The following SLC4A4 variants were observed in gnomAD, a reference collection of about 807,000 sequenced individuals.
SLC4A4 encodes the protein electrogenic sodium bicarbonate cotransporter 1.
Under a neutral mutation model 111.5 loss-of-function variants are expected in SLC4A4, and 27 were observed. The ratio of observed to expected loss-of-function variants is 0.24; its 90% CI spans 0.18 to 0.33. The LOEUF (loss-of-function observed/expected upper bound fraction) is 0.33. Ranked by LOEUF, SLC4A4 falls within the 10% of genes least tolerant of loss-of-function variation. The pLI, the probability that SLC4A4 is intolerant of heterozygous loss-of-function variation, is 1.00. For synonymous variants in SLC4A4, 443 were observed against 463.4 expected (o/e 0.96, Z 0.57); for missense variants, 909 against 1,315.5 (o/e 0.69, Z 4.78).
intron 1 of SLC4A4, among the ~76,000 whole-genome samples, chr4:71,215,870 T>C: frequency 6.6e-6 from 1 of 152,080 alleles, no homozygotes; most frequent in East Asian, 1.9e-4. Flanking sequence ...CAAAATAAAT[T>C]ATTATTGCTT....
intron 1 of SLC4A4, among the ~76,000 whole-genome samples, chr4:71,200,365 T>G (rs149709118): frequency 6.6e-5 from 10 of 152,362 alleles, no homozygotes; most frequent in African/African-American, 2.4e-4. Context: ...TAAGATATTT[T>G]CTGATGTACA....
At chr4:71,328,387 G>T (rs968517892) in intron 3 of SLC4A4, among the ~76,000 whole-genome samples, 16 of 152,054 alleles carry the variant, frequency 1.1e-4, no homozygotes, top group African/African-American at 3.6e-4. Context: ...TTTGTTTTTG[G>T]TTTTTTGAGA....
chr4:71,443,848 TA>T (rs1269997221), intron 8 of SLC4A4, among the ~76,000 whole-genome samples: 2 of 152,202 alleles, frequency 1.3e-5, no homozygotes, highest in African/African-American at 2.4e-5. Context: ...TCAAAGCCAT[TA>T]AAAAAACTTA....
chr4:71,284,715 A>C (rs114883019), intron 3 of SLC4A4, among the ~76,000 whole-genome samples: 389 of 152,304 alleles, frequency 2.6e-3, no homozygotes, highest in African/African-American at 8.5e-3. Flanking sequence ...TTTGCATTTA[A>C]ACAAGGATGA....
chr4:71,140,236 A>G (rs1046595146), intron 2 of SLC4A4, among the ~76,000 whole-genome samples: 1 of 152,182 alleles, frequency 6.6e-6, no homozygotes, highest in African/African-American at 2.4e-5. Flanking sequence ...CCTGGGCAAC[A>G]TGGTGAAACC....
chr4:71,538,554 A>T (rs1323209415), intron 18 of SLC4A4, among the ~76,000 whole-genome samples: 1 of 152,168 alleles, frequency 6.6e-6, no homozygotes, highest in Non-Finnish European at 1.5e-5. Context: ...GAGCTGTGGA[A>T]TATGAACACT....
intron 3 of SLC4A4, among the ~76,000 whole-genome samples, chr4:71,268,353 G>A (rs181974683): frequency 1.7e-3 from 258 of 152,248 alleles, no homozygotes; most frequent in African/African-American, 5.9e-3. Flanking sequence ...CGTGATGTAA[G>A]GAAGAGATCA....
At chr4:71,461,358 C>T (rs142793137) in intron 12 of SLC4A4, among the ~76,000 whole-genome samples, 106 of 151,956 alleles carry the variant, frequency 7.0e-4, no homozygotes, top group African/African-American at 2.5e-3. Flanking sequence ...CTTTTTTCCC[C>T]TTCTGTTATT....
At chr4:71,079,896 G>C (rs1455462949) in intron 1 of SLC4A4, among the ~76,000 whole-genome samples, 3 of 151,124 alleles carry the variant, frequency 2.0e-5, no homozygotes, top group African/African-American at 7.4e-5. Flanking sequence ...TTAAGTGTAT[G>C]CTGAAAGCAG....
At chr4:71,419,185 C>T (rs1722127241) in intron 7 of SLC4A4, among the ~76,000 whole-genome samples, 1 of 152,230 alleles carries the variant, frequency 6.6e-6, no homozygotes, top group Admixed American at 6.5e-5. Context: ...GTTCTCAGAT[C>T]TCCAGCTGCG....
At chr4:71,420,114 G>T (rs1254500614) in intron 7 of SLC4A4, among the ~76,000 whole-genome samples, 2 of 152,156 alleles carry the variant, frequency 1.3e-5, no homozygotes, top group Non-Finnish European at 2.9e-5. Context: ...TGTATAACTA[G>T]AATAACCAAT....
At chr4:71,113,481 TC>T (rs1743153426) in intron 2 of SLC4A4, among the ~76,000 whole-genome samples, 1 of 152,210 alleles carries the variant, frequency 6.6e-6, no homozygotes, top group South Asian at 2.1e-4. Context: ...GCACTGAAGA[TC>T]CCAGGAGACT....
rs34542882 is a variant in SLC4A4, at chr4:71,068,062, G to GT, written c.-65+5293dup. On this transcript the variant is annotated intron_variant, in intron 1 of 26. Transcript: ENST00000649996. ...CTGCATATGGCCTTTTTGAACAAAC[G>GT]TTTTTTTTTTTTTTTTTTTGAGATG... 8.9e-4 allele frequency among the ~76,000 whole-genome samples: 121 copies of GT among 136,310 alleles called. 2 individuals are homozygous for GT. The highest frequency in any genetic ancestry group is 1.5e-3 in the East Asian group (7 of 4,712). The allele number at this position is 136,310 out of a possible 152,430, so 89.4% of individuals were successfully genotyped here.
At chr4:71,487,194 G>A (rs1465393234) in intron 15 of SLC4A4, among the ~76,000 whole-genome samples, 176 bp downstream of exon 15, 1 of 149,776 alleles carries the variant, frequency 6.7e-6, no homozygotes, top group Non-Finnish European at 1.5e-5. Context: ...CTTTGCTCTA[G>A]TCAGCACTTT....
chr4:71,283,742 C>T (rs1256064369), intron 3 of SLC4A4, among the ~76,000 whole-genome samples: 2 of 152,138 alleles, frequency 1.3e-5, no homozygotes, highest in African/African-American at 4.8e-5. Flanking sequence ...ATTACTTTTC[C>T]TCTACAACAT....
intron 15 of SLC4A4, among the ~76,000 whole-genome samples, chr4:71,493,160 C>G (rs867004634): frequency 4.6e-5 from 7 of 151,584 alleles, no homozygotes; most frequent in African/African-American, 4.8e-5. Context: ...CCAGATTTAG[C>G]AAACAAAAAT....
intron 2 of SLC4A4, among the ~76,000 whole-genome samples, chr4:71,142,259 C>A (rs571471877): frequency 1.3e-5 from 2 of 152,138 alleles, no homozygotes; most frequent in South Asian, 2.1e-4. Flanking sequence ...CATGAGTAGC[C>A]GCTTTCTTTT....
At chr4:71,448,820 C>G (rs543001239) in intron 9 of SLC4A4, among the ~76,000 whole-genome samples, 1 of 152,198 alleles carries the variant, frequency 6.6e-6, no homozygotes, top group South Asian at 2.1e-4. Context: ...AAAGGGGTAC[C>G]TTTCTCCTTA....
chr4:71,566,064 GGAGACAGGATCACT>G (rs1449188096), intron 24 of SLC4A4, among the ~76,000 whole-genome samples: 6 of 151,850 alleles, frequency 4.0e-5, no homozygotes, highest in African/African-American at 1.4e-4. Flanking sequence ...ATAAATACCA[GGAGACAGGATCACT>G]GAGAGCCATC....
Sources: gnomAD v4.1 joint callset for allele counts (sites outside exome capture counted in the v4.1 genomes callset) on GRCh38, gnomAD v4.1.1 for gene constraint, MANE v1.5 for transcripts, NCBI Gene and HGNC (gene_info 2026-07-23, HGNC 2026-07-21) for gene names.